CELF2: variants seen among roughly 807,000 people sequenced by gnomAD.
CELF2 encodes CUGBP Elav-like family member 2.
In CELF2, 8 loss-of-function variants were observed where a neutral mutation model predicts 62.6. That is an observed-to-expected ratio of 0.13 (90% CI 0.07 to 0.23). CELF2 has a LOEUF of 0.23. CELF2 is among the 10% of genes least tolerant of loss of function. The pLI is 1.00. For missense variants in CELF2, 333 were observed against 671.0 expected (o/e 0.50, Z 5.56); for synonymous variants, 258 against 250.0 (o/e 1.03, Z -0.30).
the CELF2 span, among the ~76,000 whole-genome samples, chr10:10,629,876 AG>A: frequency 0.5 from 17,075 of 34,172 alleles, 4,368 homozygotes; most frequent in East Asian, 0.63. Flanking sequence ...AAAAAAAAAA[AG>A]AAAAAAAAAA....
At chr10:10,591,377 C>T in the CELF2 span, among the ~76,000 whole-genome samples, 3 of 151,838 alleles carry the variant, frequency 2.0e-5, no homozygotes, top group African/African-American at 7.3e-5. Flanking sequence ...TATATGCTTT[C>T]AGTACATTAA....
intron 3 of CELF2, among the ~76,000 whole-genome samples, chr10:11,236,976 A>G (rs1406176695): frequency 6.6e-6 from 1 of 152,222 alleles, no homozygotes; most frequent in African/African-American, 2.4e-5. Context: ...AATACATGCC[A>G]AGGAGCTGGA....
the CELF2 span, among the ~76,000 whole-genome samples, chr10:10,541,270 A>AATAT: frequency 6.6e-6 from 1 of 150,562 alleles, no homozygotes; most frequent in Admixed American, 6.6e-5. Context: ...AGACCCACAC[A>AATAT]CATATAAAGG....
the CELF2 span, among the ~76,000 whole-genome samples, chr10:10,524,831 G>T: frequency 6.6e-6 from 1 of 152,098 alleles, no homozygotes; most frequent in South Asian, 2.1e-4. Context: ...TATTTCTGGA[G>T]GAGAGGGGCC....
At chr10:10,651,585 T>G in the CELF2 span, among the ~76,000 whole-genome samples, 1 of 141,276 alleles carries the variant, frequency 7.1e-6, no homozygotes. Context: ...GCAGCCTAAC[T>G]GGGAGGCACC....
At chr10:11,000,032 CCTT>C (rs1211889228) in intron 2 of CELF2, among the ~76,000 whole-genome samples, 2 of 152,208 alleles carry the variant, frequency 1.3e-5, no homozygotes, top group Non-Finnish European at 2.9e-5. Flanking sequence ...TCACCTGTGG[CCTT>C]CTTAAGATTT....
In CELF2 at chr10:11,324,037, C is replaced by T. The variant is rs1420849470; in HGVS notation, c.1295-1799C>T. On this transcript the variant is annotated intron_variant, in intron 11 of 12. Transcript: ENST00000633077. This position sits in a 1 kb window ranked among gnomAD's most constrained non-coding sequence, Gnocchi z 4.7. ...CAAGAGATGGTGCTGACATTTTTTT[C>T]TTGGGAATATCAGGAGCAAAAGGAC... Among the ~76,000 whole-genome samples the T allele has an allele frequency of 6.6e-6, 1 of 150,678 alleles. No homozygotes were observed. Among genetic ancestry groups the T allele is most frequent in the Non-Finnish European group, 1.5e-5 (1 of 67,728 alleles).
At chr10:10,619,590 C>G in the CELF2 span, among the ~76,000 whole-genome samples, 1 of 152,132 alleles carries the variant, frequency 6.6e-6, no homozygotes, top group Admixed American at 6.5e-5. Context: ...TTCCATGTTC[C>G]CTATGGTCTT....
Position 11,280,268 on chromosome 10 carries a change from C to G in CELF2, c.841+5148C>G, listed in dbSNP as rs771512881. Among the ~76,000 whole-genome samples, 10 of 152,102 alleles carry G rather than the reference C, an allele frequency of 6.6e-5. No homozygotes were observed. The highest frequency in any genetic ancestry group is 1.2e-4 in the Non-Finnish European group (8 of 68,030). On this transcript the variant is annotated intron_variant, in intron 8 of 12. Transcript: ENST00000633077. This position sits in a 1 kb window ranked among gnomAD's most constrained non-coding sequence, Gnocchi z 7.6. ...TTCTGGGGAGGAATAAGGGGAGTTG[C>G]AGGAGAGGCCCCGCGCCCCATCCAG...
chr10:10,574,426 G>A, the CELF2 span, among the ~76,000 whole-genome samples: 11 of 152,230 alleles, frequency 7.2e-5, no homozygotes, highest in Non-Finnish European at 1.6e-4. Context: ...GGAAAAAAGC[G>A]AAGAATAAAA....
intron 1 of CELF2, chr10:11,071,467 G>C (rs11256964): frequency 0.011 from 1,600 of 152,312 alleles, 19 homozygotes; most frequent in South Asian, 0.028. Flanking sequence ...AGGTGACTGA[G>C]GCTACACATT....
the CELF2 span, among the ~76,000 whole-genome samples, chr10:10,739,389 G>A: frequency 1.1e-4 from 17 of 152,224 alleles, no homozygotes; most frequent in Admixed American, 1.1e-3. Flanking sequence ...TGATCAGTTG[G>A]AGACAGGGAA....
rs2093869135 is a variant in CELF2 at position 11,302,596 on chromosome 10, C to T, written c.977-11543C>T. Among the ~76,000 whole-genome samples the T allele has an allele frequency of 6.6e-6, 1 of 152,190 alleles. No homozygotes were observed. The highest frequency in any genetic ancestry group is 1.5e-5 in the Non-Finnish European group (1 of 68,034). On this transcript the variant is annotated intron_variant, in intron 9 of 12. Transcript: ENST00000633077. This position sits in a 1 kb window ranked among gnomAD's most constrained non-coding sequence, Gnocchi z 5.0. ...AGGGCCCTGGGCCAAAGGGACTTGA[C>T]ACCACACAACTGTGGTCTTTTTCTT...
chr10:10,825,914 A>G (rs2057351734), intron 1 of CELF2, among the ~76,000 whole-genome samples: 3 of 152,330 alleles, frequency 2.0e-5, no homozygotes, highest in African/African-American at 7.2e-5. Flanking sequence ...GGTTACTCAG[A>G]CATAGATCTT....
chr10:11,068,886 C>T (rs768412962), intron 1 of CELF2, among the ~76,000 whole-genome samples: 4 of 152,186 alleles, frequency 2.6e-5, no homozygotes, highest in African/African-American at 4.8e-5. Context: ...GGCAAAAAAA[C>T]AACTCATTCT....
upstream of CELF2, among the ~76,000 whole-genome samples, chr10:11,004,417 G>A (rs1053470481): frequency 6.3e-5 from 9 of 142,726 alleles, no homozygotes; most frequent in South Asian, 4.2e-4. This position sits in a 1 kb window ranked among gnomAD's most constrained non-coding sequence, Gnocchi z 5.0. Flanking sequence ...GTGTGTGTGC[G>A]CGCGCGTGTG....
chr10:10,811,977 C>T (rs948708986), intron 1 of CELF2, among the ~76,000 whole-genome samples: 4 of 152,060 alleles, frequency 2.6e-5, no homozygotes, highest in African/African-American at 9.7e-5. Flanking sequence ...GGCTAAAAGT[C>T]CCAGAATCCT....
At chr10:10,550,406 C>T in the CELF2 span, among the ~76,000 whole-genome samples, 6 of 152,136 alleles carry the variant, frequency 3.9e-5, no homozygotes, top group Non-Finnish European at 8.8e-5. Context: ...GTTACAGAGT[C>T]ATCAATGGGC....
At chr10:10,876,982 C>T (rs1452221681) in intron 1 of CELF2, among the ~76,000 whole-genome samples, 1 of 152,196 alleles carries the variant, frequency 6.6e-6, no homozygotes, top group Non-Finnish European at 1.5e-5. Flanking sequence ...CTGAATGCCA[C>T]CCAGAAGGCT....
Sources: allele counts gnomAD v4.1 joint callset (sites outside exome capture counted in the v4.1 genomes callset), GRCh38; gene constraint gnomAD v4.1.1; non-coding constraint Gnocchi (gnomAD v3.1); transcripts MANE v1.5; gene names NCBI Gene and HGNC (gene_info 2026-07-23, HGNC 2026-07-21).